DCLRE1C: variants seen among roughly 807,000 people sequenced by gnomAD.
The protein encoded by DCLRE1C is protein artemis.
A neutral mutation model predicts 61.4 loss-of-function variants in DCLRE1C; 47 were observed. The observed-to-expected ratio is 0.77, with a 90% confidence interval of 0.61 to 0.98. The LOEUF (loss-of-function observed/expected upper bound fraction) is 0.98, where lower values mean the gene tolerates loss of function less well. DCLRE1C is among the 50% of genes least tolerant of loss of function. The pLI is 0.00. For missense variants in DCLRE1C, 858 were observed against 816.0 expected, an observed-to-expected ratio of 1.05 and a Z score of -0.63; for synonymous variants, 337 against 287.6, an observed-to-expected ratio of 1.17 and a Z score of -1.74.
rs778029115 is a variant in DCLRE1C at position 14,908,585 on chromosome 10, T to C, written c.1902A>G (p.Lys634=). The part of the protein sequence containing the change: ...LSSETHIPEE[K]SLLNLSTNAD... ...CATTTGTGCTAAGATTTAGCAAACT[T>C]TTTTCCTCGGGTATATGTGTCTCAC... is the stretch of plus-strand genomic sequence containing the variant. Residue 634 remains lysine (K), a synonymous_variant, in exon 14 of 14, where the codon AAA becomes AAG. Coordinates refer to ENST00000378278, the MANE Select transcript of DCLRE1C (RefSeq NM_001033855.3). The C allele has an allele frequency of 1.2e-6, 2 of 1,614,134 alleles. No homozygotes were observed. Among genetic ancestry groups the C allele is most frequent in the South Asian group, 1.1e-5 (1 of 91,076 alleles).
intron 13 of DCLRE1C, chr10:14,911,412 T>C (rs888798909): frequency 1.3e-5 from 2 of 152,212 alleles, no homozygotes; most frequent in Admixed American, 1.3e-4. Context: ...CAAGAATGTT[T>C]TTAGAAATCC....
At chr10:14,918,157 C>T (rs1002481362) in intron 13 of DCLRE1C, among the ~76,000 whole-genome samples, 32 of 152,172 alleles carry the variant, frequency 2.1e-4, no homozygotes, top group African/African-American at 7.0e-4. Context: ...TGAAAGCCTA[C>T]GTCCATACAA....
downstream of DCLRE1C, chr10:14,903,676 G>C (rs1188226667): frequency 6.6e-6 from 1 of 152,158 alleles, no homozygotes; most frequent in African/African-American, 2.4e-5. Context: ...GGAGTGGGAG[G>C]CTTCCAACAT....
chr10:14,953,942 G>C lies in DCLRE1C; in HGVS notation c.69C>G (p.Asn23Lys). Reference protein sequence around the residue: ...TISIDRFDRENLRARAYFLSH... With the variant: ...TISIDRFDREKLRARAYFLSH... ...ACAGGAAGTAGGCGCGGGCCCTCAGGTTCTCCCTATCGAAGCGGTCTATGG... is the reference window on the plus strand; with the variant it reads ...ACAGGAAGTAGGCGCGGGCCCTCAGCTTCTCCCTATCGAAGCGGTCTATGG... The change falls in exon 1 of 14, where the codon AAC becomes AAG. Residue 23 changes from asparagine (N) to lysine (K), a missense_variant. By Grantham distance (94) the Asn-to-Lys change is moderately conservative. This residue lies in a region of DCLRE1C where 15 missense variants were observed against 32.5 expected (regional missense o/e 0.46). Coordinates refer to ENST00000378278, the MANE Select transcript of DCLRE1C (RefSeq NM_001033855.3). The C allele has an allele frequency of 6.2e-7, 1 of 1,614,056 alleles. No homozygotes were observed. The highest frequency in any genetic ancestry group is 1.1e-5 in the South Asian group (1 of 91,086).
intron 3 of DCLRE1C, among the ~76,000 whole-genome samples, chr10:14,941,262 T>C (rs1840806177): frequency 6.6e-6 from 1 of 152,208 alleles, no homozygotes. Flanking sequence ...ACATGCCACA[T>C]TTCCATTGTC....
intron 9 of DCLRE1C, 109 bp downstream of exon 9, chr10:14,932,745 C>A: frequency 7.8e-7 from 1 of 1,289,500 alleles, no homozygotes; most frequent in Non-Finnish European, 1.1e-6. Context: ...AGGATTGCAG[C>A]CTCAGGTTTT....
Position 14,935,444 on chromosome 10 carries a change from C to G in DCLRE1C, c.464+19G>C, listed in dbSNP as rs575451437. The G allele has an allele frequency of 6.2e-7, 1 of 1,609,790 alleles. No homozygotes were observed. The highest frequency in any genetic ancestry group is 1.7e-5 in the Admixed American group (1 of 59,846). On this transcript the variant is annotated intron_variant, in intron 6 of 13. Transcript: ENST00000378278. ...AAAAATAAAATAAAATAAAATAAAACCTATACGAGGCCCAGTACCTGCCCC... is the reference window on the plus strand; with the variant it reads ...AAAAATAAAATAAAATAAAATAAAAGCTATACGAGGCCCAGTACCTGCCCC...
intron 13 of DCLRE1C, among the ~76,000 whole-genome samples, chr10:14,912,645 T>G (rs1048639352): frequency 1.3e-5 from 2 of 152,228 alleles, no homozygotes; most frequent in African/African-American, 2.4e-5. Flanking sequence ...CTTGAAAAGA[T>G]AATGCGAAAT....
intron 1 of DCLRE1C, among the ~76,000 whole-genome samples, chr10:14,953,486 C>A (rs528835462): frequency 3.3e-5 from 5 of 152,106 alleles, no homozygotes; most frequent in African/African-American, 1.2e-4. Context: ...GCGGGCTGTT[C>A]CACAGTTGTG....
At chr10:14,924,987 CTG>C (rs1431444194) in intron 11 of DCLRE1C, among the ~76,000 whole-genome samples, 3 of 151,886 alleles carry the variant, frequency 2.0e-5, no homozygotes, top group African/African-American at 7.3e-5. Context: ...TCCCACCAAA[CTG>C]AAAGAGGCAG....
At position 14,908,256 on chromosome 10, in the gene DCLRE1C, A is replaced by C. The variant is rs1834640539; in HGVS notation, c.*152T>G. On this transcript the variant is annotated 3_prime_UTR_variant, in exon 14 of 14. Transcript: ENST00000378278. ...AACTCCTGGGCTCAAGCCATTGCCCACCTCAAAGTGCTGGGATTACAAGTG... is the reference window on the plus strand; with the variant it reads ...AACTCCTGGGCTCAAGCCATTGCCCCCCTCAAAGTGCTGGGATTACAAGTG... The C allele has an allele frequency of 5.0e-6, 3 of 604,146 alleles. No individual in the cohort carries two copies. The highest frequency in any genetic ancestry group is 8.5e-6 in the Non-Finnish European group (3 of 353,580). The allele number at this position is 604,146 out of a possible 1,614,324, so 37.4% of individuals were successfully genotyped here. A position where few individuals can be genotyped will look rare whatever the true frequency, so the allele number is the denominator to read the frequency against.
intron 13 of DCLRE1C, among the ~76,000 whole-genome samples, chr10:14,916,599 G>T (rs1423650531): frequency 1.3e-5 from 2 of 152,164 alleles, no homozygotes; most frequent in Non-Finnish European, 2.9e-5. Context: ...TTGAATAAGG[G>T]ACACTCAGCC....
intron 1 of DCLRE1C, among the ~76,000 whole-genome samples, chr10:14,950,073 G>A (rs1250197126): frequency 6.6e-6 from 1 of 151,936 alleles, no homozygotes; most frequent in African/African-American, 2.4e-5. Context: ...GGGCGCGGTG[G>A]CTCATGCCTG....
At chr10:14,933,622 G>A (rs1839389334) in intron 8 of DCLRE1C, among the ~76,000 whole-genome samples, 1 of 151,808 alleles carries the variant, frequency 6.6e-6, no homozygotes, top group Non-Finnish European at 1.5e-5. Flanking sequence ...GGACGACAGA[G>A]CAAGACAGTC....
In DCLRE1C at chr10:14,953,441, A is replaced by G. The variant is rs77600394; in HGVS notation, c.109+461T>C. On this transcript the variant is annotated intron_variant, in intron 1 of 13. Coordinates refer to ENST00000378278, the MANE Select transcript of DCLRE1C (RefSeq NM_001033855.3). ...ATATTGGATACGGACAGAACACCCA[A>G]AGGCCAAGGAGCTTGCACTTCGTGG... Among the ~76,000 whole-genome samples, 102 of 152,190 alleles carry G rather than the reference A, an allele frequency of 6.7e-4. 3 individuals carry two copies. The East Asian group carries it at 0.018, about 26-fold the overall frequency.
intron 12 of DCLRE1C, chr10:14,920,503 C>T (rs188402618): frequency 4.3e-5 from 37 of 868,292 alleles, no homozygotes; most frequent in Middle Eastern, 1.2e-3. Context: ...TCTTTACAGC[C>T]ACCCCCATTT....
intron 9 of DCLRE1C, among the ~76,000 whole-genome samples, chr10:14,930,873 G>T (rs1337345270): frequency 1.3e-5 from 2 of 152,214 alleles, no homozygotes; most frequent in Non-Finnish European, 2.9e-5. Flanking sequence ...CATAGAATAT[G>T]CAGCTTACCA....
At chr10:14,900,554 A>G (rs1311331608), downstream of DCLRE1C, among the ~76,000 whole-genome samples, 1 of 152,180 alleles carries the variant, frequency 6.6e-6, no homozygotes, top group African/African-American at 2.4e-5. Context: ...CAAAATAGAG[A>G]TATTCTATCC....
chr10:14,936,504 T>C (rs750015817), intron 5 of DCLRE1C, 34 bp downstream of exon 5: 7 of 1,561,800 alleles, frequency 4.5e-6, no homozygotes, highest in African/African-American at 1.4e-5. Flanking sequence ...TGTGTCTACA[T>C]ATAATAAAAT....
Sources: gnomAD v4.1 joint callset for allele counts (sites outside exome capture counted in the v4.1 genomes callset) on GRCh38, gnomAD v4.1.1 for gene constraint, gnomAD v4.1.1 regional missense constraint, MANE v1.5 for transcripts, NCBI Gene and HGNC (gene_info 2026-07-23, HGNC 2026-07-21) for gene names.